SLAIN1: variants seen among roughly 807,000 people sequenced by gnomAD.
The protein encoded by SLAIN1 is SLAIN family member 1.
In SLAIN1, 17 loss-of-function variants were observed where a neutral mutation model predicts 55.4. The ratio of observed to expected loss-of-function variants is 0.31; its 90% CI spans 0.21 to 0.46. The LOEUF (loss-of-function observed/expected upper bound fraction) is 0.46. SLAIN1 is among the 20% of genes least tolerant of loss of function. The pLI, the probability that SLAIN1 is intolerant of heterozygous loss-of-function variation, is 1.00. For synonymous variants in SLAIN1, 348 were observed against 337.4 expected (o/e 1.03, Z -0.35); for missense variants, 682 against 785.1 (o/e 0.87, Z 1.57).
chr13:77,746,466 A>G (rs1193066242), intron 3 of SLAIN1, 48 bp from the exon 4 acceptor site: 3 of 1,466,640 alleles, frequency 2.0e-6, no homozygotes, highest in Admixed American at 2.1e-5. Context: ...TTATAACTAA[A>G]TGTTAGCTAG....
rs1386122829 is a variant in SLAIN1, at chr13:77,697,975, C to A, written c.62C>A (p.Pro21Gln). 3 of 1,447,824 alleles carry A rather than the reference C, an allele frequency of 2.1e-6. No homozygotes were observed. Among genetic ancestry groups the A allele is most frequent in the Non-Finnish European group, 1.8e-6 (2 of 1,091,640 alleles). 89.7% of individuals were successfully genotyped at this position (1,447,824 alleles called of 1,614,324 possible). A position where few individuals can be genotyped will look rare whatever the true frequency, so the allele number is the denominator to read the frequency against. The part of the protein sequence containing the change: ...AGVSSGAGSG[P>Q]VVNAELEVKK... The stretch of plus-strand genomic sequence containing the variant: ...GTCAGCTCTGGAGCGGGCTCCGGGC[C>A]GGTGGTGAACGCGGAGCTGGAGGTG... Residue 21 changes from proline (P) to glutamine (Q), a missense_variant, in exon 1 of 7, where the codon CCG becomes CAG. Pro to Gln is a moderately conservative substitution (Grantham distance 76). Coordinates refer to ENST00000418532, the MANE Select transcript of SLAIN1 (RefSeq NM_001242868.2).
chr13:77,721,201 A>C (rs1176150048), intron 2 of SLAIN1, among the ~76,000 whole-genome samples: 8 of 152,054 alleles, frequency 5.3e-5, no homozygotes, highest in Non-Finnish European at 7.4e-5. Context: ...GATGGTGTTA[A>C]GTGTGGCACT....
At position 77,717,457 on chromosome 13, in the gene SLAIN1, G is replaced by A. The variant is rs78922939; in HGVS notation, c.627-2075G>A. Among the ~76,000 whole-genome samples, 152 of 151,996 alleles carry A rather than the reference G, an allele frequency of 1.0e-3. 1 individual carries two copies. The East Asian group carries it at 0.019, about 19-fold the overall frequency. ...TTCTGGGCCCAGGTTTTTCTTTGTG[G>A]GTAGTTTTTTATTTTTTATTTTTTG... On this transcript the variant is annotated intron_variant, in intron 1 of 6. Coordinates refer to ENST00000418532, the MANE Select transcript of SLAIN1 (RefSeq NM_001242868.2).
chr13:77,729,321 G>A (rs2091335860), intron 2 of SLAIN1, among the ~76,000 whole-genome samples: 3 of 151,266 alleles, frequency 2.0e-5, no homozygotes, highest in African/African-American at 7.3e-5. Flanking sequence ...ACCATGATTC[G>A]AAAAGTGTTT....
chr13:77,698,596 G>A lies in SLAIN1; in HGVS notation c.626+57G>A, dbSNP rs1396846697. 1.5e-6 allele frequency: 2 copies of A among 1,341,954 alleles called. No homozygotes were observed. The highest frequency in any genetic ancestry group is 1.9e-6 in the Non-Finnish European group (2 of 1,051,264). 83.1% of individuals were successfully genotyped at this position (1,341,954 alleles called of 1,614,324 possible). A position where few individuals can be genotyped will look rare whatever the true frequency, so the allele number is the denominator to read the frequency against. ...CCTGGCCTCGGGGGCTTCGGGCACC[G>A]GGGAGCGGGGGCGGGGGGCGGACGG... On this transcript the variant is annotated intron_variant, in intron 1 of 6. Transcript: ENST00000418532. This position sits in a 1 kb window ranked among gnomAD's most constrained non-coding sequence, Gnocchi z 4.1.
intron 1 of SLAIN1, among the ~76,000 whole-genome samples, chr13:77,709,880 T>C (rs981229042): frequency 6.6e-6 from 1 of 152,078 alleles, no homozygotes. Flanking sequence ...AAGTGATTCC[T>C]CTGCCTCTGC....
At chr13:77,725,114 G>A in intron 2 of SLAIN1, among the ~76,000 whole-genome samples, 1 of 152,248 alleles carries the variant, frequency 6.6e-6, no homozygotes, top group East Asian at 1.9e-4. Context: ...TTCAGTTTTG[G>A]TGTTGAATAA....
At chr13:77,714,033 G>A (rs1456553992) in intron 1 of SLAIN1, among the ~76,000 whole-genome samples, 1 of 151,862 alleles carries the variant, frequency 6.6e-6, no homozygotes, top group Admixed American at 6.6e-5. Context: ...GGGGTGGGGG[G>A]CTAGGGGAGG....
chr13:77,760,640 G>C (rs993961427), intron 5 of SLAIN1, among the ~76,000 whole-genome samples, 188 bp from the exon 6 acceptor site: 9 of 152,200 alleles, frequency 5.9e-5, no homozygotes, highest in African/African-American at 1.9e-4. Context: ...CTGATGGACA[G>C]ACCAGGAGAT....
chr13:77,741,745 G>GTTTTTTTGTCTGTCCACATCCCACAGT (rs1873459912), intron 2 of SLAIN1: 1 of 144,092 alleles, frequency 6.9e-6, no homozygotes, highest in Non-Finnish European at 1.5e-5. Flanking sequence ...ACATCCCACA[G>GTTTTTTTGTCTGTCCACATCCCACAGT]TTTTTTTTTT....
intron 2 of SLAIN1, among the ~76,000 whole-genome samples, chr13:77,734,410 A>C (rs891060605): frequency 3.3e-5 from 5 of 152,140 alleles, no homozygotes; most frequent in African/African-American, 7.2e-5. Flanking sequence ...AAAAAGCAGG[A>C]TTTGCTTCAC....
At chr13:77,700,067 ATGCTTAAAATATT>A (rs1035731738) in intron 1 of SLAIN1, among the ~76,000 whole-genome samples, 1 of 152,224 alleles carries the variant, frequency 6.6e-6, no homozygotes, top group African/African-American at 2.4e-5. Flanking sequence ...GATCAGTTTT[ATGCTTAAAATATT>A]TGCATTTTAA....
chr13:77,729,413 TA>T (rs1464114197), intron 2 of SLAIN1, among the ~76,000 whole-genome samples: 1 of 152,030 alleles, frequency 6.6e-6, no homozygotes, highest in African/African-American at 2.4e-5. Context: ...AAGGAAAAAA[TA>T]AAACAATAGA....
chr13:77,762,157 A>G (rs535508180), intron 6 of SLAIN1, among the ~76,000 whole-genome samples: 4 of 152,228 alleles, frequency 2.6e-5, no homozygotes, highest in Non-Finnish European at 5.9e-5. Flanking sequence ...ATTTTGGTAC[A>G]TGTTTATTTA....
chr13:77,744,182 A>G (rs1356854951), intron 2 of SLAIN1, 101 bp from the exon 3 acceptor site: 1 of 898,344 alleles, frequency 1.1e-6, no homozygotes. Context: ...TTGTAACATG[A>G]AAACATGAGA....
chr13:77,739,610 CTATT>C (rs1468675449), intron 2 of SLAIN1, among the ~76,000 whole-genome samples: 3 of 151,958 alleles, frequency 2.0e-5, no homozygotes, highest in African/African-American at 7.2e-5. Context: ...AGAGACATGT[CTATT>C]TAACAACAAT....
chr13:77,758,936 A>G (rs1874806763), intron 5 of SLAIN1, among the ~76,000 whole-genome samples: 1 of 151,958 alleles, frequency 6.6e-6, no homozygotes, highest in African/African-American at 2.4e-5. Flanking sequence ...TATGAATTTT[A>G]GGATTGTTTG....
At chr13:77,736,175 G>T (rs1163985045) in intron 2 of SLAIN1, among the ~76,000 whole-genome samples, 1 of 151,918 alleles carries the variant, frequency 6.6e-6, no homozygotes, top group African/African-American at 2.4e-5. Flanking sequence ...TTCCAGTAGT[G>T]GCCATCCTAG....
At position 77,698,162 on chromosome 13, in the gene SLAIN1, C is replaced by T; in HGVS notation, c.249C>T (p.Pro83=). The part of the protein sequence containing the change: ...AGLQPLGPRS[P]PAATATAAAS... ...TGCAGCCTTTGGGTCCTCGGAGCCC[C>T]CCGGCCGCCACGGCCACCGCCGCGG... The change falls in exon 1 of 7, where the codon CCC becomes CCT. Residue 83 remains proline, a synonymous_variant. Transcript: ENST00000418532. This position sits in a 1 kb window ranked among gnomAD's most constrained non-coding sequence, Gnocchi z 4.1. 8.6e-7 allele frequency: 1 copy of T among 1,165,604 alleles called. No individual in the cohort carries two copies. The highest frequency in any genetic ancestry group is 1.1e-6 in the Non-Finnish European group (1 of 945,686). 72.2% of individuals were successfully genotyped at this position (1,165,604 alleles called of 1,614,324 possible). A position where few individuals can be genotyped will look rare whatever the true frequency, so the allele number is the denominator to read the frequency against.
Sources: allele counts gnomAD v4.1 joint callset (sites outside exome capture counted in the v4.1 genomes callset), GRCh38; gene constraint gnomAD v4.1.1; non-coding constraint Gnocchi (gnomAD v3.1); transcripts MANE v1.5; gene names NCBI Gene and HGNC (gene_info 2026-07-23, HGNC 2026-07-21).